Variants in PRDM10 observed in about 807,000 individuals in gnomAD.
PRDM10 encodes PR/SET domain 10.
PRDM10 carries 65 observed loss-of-function variants against 133.1 expected under a neutral mutation model. The observed-to-expected ratio is 0.49, with a 90% CI of 0.40 to 0.60. The LOEUF (loss-of-function observed/expected upper bound fraction) is 0.60, where lower values mean the gene tolerates loss of function less well. PRDM10 is among the 20% of genes least tolerant of loss of function. The pLI, the probability that PRDM10 is intolerant of heterozygous loss-of-function variation, is 0.00. For missense variants in PRDM10, 1,137 were observed against 1,507.1 expected, an observed-to-expected ratio of 0.75 and a Z score of 4.07; for synonymous variants, 582 against 580.4, an observed-to-expected ratio of 1.00 and a Z score of -0.04.
chr11:129,961,530 T>C (rs1035774835), intron 1 of PRDM10, among the ~76,000 whole-genome samples: 8 of 149,754 alleles, frequency 5.3e-5, no homozygotes, highest in Non-Finnish European at 1.2e-4. Flanking sequence ...GGTCTCAAAC[T>C]CCTGAGCTCA....
chr11:129,934,352 C>A (rs1950962628), intron 9 of PRDM10, among the ~76,000 whole-genome samples: 1 of 152,166 alleles, frequency 6.6e-6, no homozygotes. Flanking sequence ...TACCATCTCA[C>A]ACATCTCCTC....
chr11:129,909,242 G>C (rs1393868580), intron 19 of PRDM10, among the ~76,000 whole-genome samples: 1 of 151,284 alleles, frequency 6.6e-6, no homozygotes, highest in Non-Finnish European at 1.5e-5. Context: ...CTGAGGTCCG[G>C]AGTTCGAGAT....
At chr11:129,920,057 T>A (rs12294870) in intron 13 of PRDM10, among the ~76,000 whole-genome samples, 7,498 of 152,284 alleles carry the variant, frequency 0.049, 535 homozygotes, top group African/African-American at 0.16. Flanking sequence ...AAAGCACTGT[T>A]GCATTGCCAC....
chr11:129,910,570 C>T lies in PRDM10; in HGVS notation c.3069G>A (p.Gln1023=), dbSNP rs1268401880. Reference sequence around the variant, plus strand: ...GCTGCTGCTGCTGCAGAGCCTGCCCCTGTGTGGAAGAACTGCCCTGGATGT... The same window carrying T: ...GCTGCTGCTGCTGCAGAGCCTGCCCTTGTGTGGAAGAACTGCCCTGGATGT... The part of the protein sequence containing the change: ...PSHIQGSSST[Q]GQALQQQQQQ... Residue 1023 remains glutamine (Q), a synonymous_variant, in exon 19 of 21, where the codon CAG becomes CAA. Transcript: ENST00000360871. 10 of 1,613,940 alleles carry T rather than the reference C, an allele frequency of 6.2e-6. No homozygotes were observed. Among genetic ancestry groups the T allele is most frequent in the Non-Finnish European group, 7.6e-6 (9 of 1,179,986 alleles).
At chr11:129,920,905 C>A (rs1235012295) in intron 13 of PRDM10, among the ~76,000 whole-genome samples, 1 of 152,096 alleles carries the variant, frequency 6.6e-6, no homozygotes, top group African/African-American at 2.4e-5. Flanking sequence ...TCAAGTGATT[C>A]TCCTGCCTCA....
At chr11:129,932,062 C>A (rs776769308) in intron 10 of PRDM10, 40 bp downstream of exon 10, 12 of 1,596,202 alleles carry the variant, frequency 7.5e-6, no homozygotes, top group Non-Finnish European at 8.6e-6. Context: ...GAGTCCTCCA[C>A]ACAAGCACCT....
chr11:129,906,658 G>C (rs1591566095), intron 19 of PRDM10, among the ~76,000 whole-genome samples: 1 of 152,122 alleles, frequency 6.6e-6, no homozygotes, highest in Non-Finnish European at 1.5e-5. Context: ...CTTTATAAAA[G>C]TTTTCTAGCT....
chr11:129,985,798 A>T (rs1938386738), intron 1 of PRDM10, among the ~76,000 whole-genome samples: 1 of 122,420 alleles, frequency 8.2e-6, no homozygotes, highest in African/African-American at 4.1e-5. Context: ...AAAAAAAAAA[A>T]AAAAAAAAAA....
intron 1 of PRDM10, among the ~76,000 whole-genome samples, chr11:129,975,269 A>T (rs1937696826): frequency 6.6e-6 from 1 of 152,076 alleles, no homozygotes; most frequent in Admixed American, 6.6e-5. Flanking sequence ...TCTACTAAAA[A>T]TACAAAAATT....
rs778777997 is a variant in PRDM10, at chr11:129,910,575, T to A, written c.3064A>T (p.Thr1022Ser). The A allele has an allele frequency of 1.2e-6, 2 of 1,614,010 alleles. No individual in the cohort carries two copies. The highest frequency in any genetic ancestry group is 1.7e-6 in the Non-Finnish European group (2 of 1,179,974). ...SPSHIQGSSSTQGQALQQQQQ... is the reference protein window; with the variant it reads ...SPSHIQGSSSSQGQALQQQQQ... ...TGCTGCTGCAGAGCCTGCCCCTGTGTGGAAGAACTGCCCTGGATGTGGGAG... is the reference window on the plus strand; with the variant it reads ...TGCTGCTGCAGAGCCTGCCCCTGTGAGGAAGAACTGCCCTGGATGTGGGAG... The change falls in exon 19 of 21, where the codon ACA becomes TCA. Residue 1022 changes from threonine to serine, a missense_variant. Thr to Ser is a moderately conservative substitution (Grantham distance 58, BLOSUM62 1). Around this residue, in one of 6 missense-constraint regions of PRDM10, gnomAD observed 243 missense variants for 259.2 expected, o/e 0.94. Coordinates refer to ENST00000360871, the MANE Select transcript of PRDM10 (RefSeq NM_199437.2).
chr11:129,976,194 G>A (rs1228264685), intron 1 of PRDM10, among the ~76,000 whole-genome samples: 1 of 152,156 alleles, frequency 6.6e-6, no homozygotes, highest in African/African-American at 2.4e-5. Context: ...TAAACTCTCA[G>A]GCTCTGATTC....
intron 1 of PRDM10, among the ~76,000 whole-genome samples, chr11:129,987,837 A>G (rs1470176601): frequency 1.3e-5 from 2 of 152,120 alleles, no homozygotes; most frequent in Non-Finnish European, 1.5e-5. Flanking sequence ...CGTCTCTACT[A>G]AAAAACACAA....
Position 129,923,661 on chromosome 11 carries a change from A to AGAGAGG in PRDM10, c.1879-259_1879-258insCCTCTC, listed in dbSNP as rs1950584555. ...TGAAACGTGAGAGAGAGAGAGAGAG[A>AGAGAGG]GAGAGAGAGAGAGAGAGAGAGAGAG... On this transcript the variant is annotated intron_variant, in intron 12 of 20. Transcript: ENST00000360871. The surrounding 1 kb of genome is among the most constrained non-coding windows in gnomAD (Gnocchi z 4.4). Among the ~76,000 whole-genome samples, 1 of 148,668 alleles carries AGAGAGG rather than the reference A, an allele frequency of 6.7e-6. No homozygotes were observed. Among genetic ancestry groups the AGAGAGG allele is most frequent in the Non-Finnish European group, 1.5e-5 (1 of 67,076 alleles).
chr11:129,945,042 G>A lies in PRDM10; in HGVS notation c.521-30C>T. ...AAAAGAGAGACAGTCTTGAAGAAAA[G>A]TCCAATTCCTCAGTGTGACTTGATG... On this transcript the variant is annotated intron_variant, in intron 5 of 20. Coordinates refer to ENST00000360871, the MANE Select transcript of PRDM10 (RefSeq NM_199437.2). The surrounding 1 kb of genome is among the most constrained non-coding windows in gnomAD (Gnocchi z 4.2). The A allele has an allele frequency of 1.2e-6, 2 of 1,605,890 alleles. No homozygotes were observed. Among genetic ancestry groups the A allele is most frequent in the Non-Finnish European group, 1.7e-6 (2 of 1,178,028 alleles).
chr11:129,978,427 G>A (rs1260549128), intron 1 of PRDM10, among the ~76,000 whole-genome samples: 1 of 152,244 alleles, frequency 6.6e-6, no homozygotes, highest in Non-Finnish European at 1.5e-5. Flanking sequence ...AAAACCTAGT[G>A]TGTAGCATGT....
At chr11:129,922,737 T>G (rs1950553507) in intron 13 of PRDM10, among the ~76,000 whole-genome samples, 2 of 152,244 alleles carry the variant, frequency 1.3e-5, no homozygotes, top group Non-Finnish European at 2.9e-5. Flanking sequence ...CGGCTTCTTC[T>G]AAGTTCCAGG....
chr11:129,926,338 A>G (rs1219747492), intron 11 of PRDM10, among the ~76,000 whole-genome samples: 1 of 152,204 alleles, frequency 6.6e-6, no homozygotes, highest in Non-Finnish European at 1.5e-5. Context: ...TATGCTTACA[A>G]TGAAGACTCA....
At chr11:129,932,330 C>G in intron 9 of PRDM10, 99 bp from the exon 10 acceptor site, 1 of 1,416,346 alleles carries the variant, frequency 7.1e-7, no homozygotes, top group East Asian at 2.5e-5. Flanking sequence ...AGTTTGATTC[C>G]TCTCACCTTA....
At position 129,960,913 on chromosome 11, in the gene PRDM10, C is replaced by T; in HGVS notation, c.52G>A (p.Glu18Lys). Reference protein sequence around the residue: ...SHVWPTSAEHEQNAAQVHFVP... With the variant: ...SHVWPTSAEHKQNAAQVHFVP... The stretch of plus-strand genomic sequence containing the variant: ...GTCTTCACCTGTGCGGCATTCTGTT[C>T]ATGCTCTGCAGATGTCGGCCACACA... Residue 18 changes from glutamate to lysine, a missense_variant, in exon 2 of 21, where the codon GAA becomes AAA. Transcript: ENST00000360871. 6.2e-7 allele frequency: 1 copy of T among 1,614,174 alleles called. No individual in the cohort carries two copies. The highest frequency in any genetic ancestry group is 2.2e-5 in the East Asian group (1 of 44,884).
Sources: allele counts gnomAD v4.1 joint callset (sites outside exome capture counted in the v4.1 genomes callset), GRCh38; gene constraint gnomAD v4.1.1; regional missense constraint gnomAD v4.1.1; non-coding constraint Gnocchi (gnomAD v3.1); transcripts MANE v1.5; gene names NCBI Gene and HGNC (gene_info 2026-07-23, HGNC 2026-07-21).